CCNF: variants seen among roughly 807,000 people sequenced by gnomAD.
CCNF encodes cyclin F, also known as cyclin-F.
A neutral mutation model predicts 85.4 loss-of-function variants in CCNF; 30 were observed. That is an observed-to-expected ratio of 0.35 (90% CI 0.26 to 0.48). The LOEUF (loss-of-function observed/expected upper bound fraction) is 0.48. Ranked by LOEUF, CCNF falls within the 20% of genes least tolerant of loss-of-function variation. The pLI is 0.99. For missense variants in CCNF, 919 were observed against 1,010.4 expected (o/e 0.91, Z 1.23); for synonymous variants, 439 against 425.1 (o/e 1.03, Z -0.40).
Position 2,430,763 on chromosome 16 carries a change from G to A in CCNF, c.17-367G>A, listed in dbSNP as rs1054189716. Among the ~76,000 whole-genome samples, 13 of 152,212 alleles carry A rather than the reference G, an allele frequency of 8.5e-5. No homozygotes were observed. In the East Asian group the frequency reaches 1.2e-3, roughly 14 times the overall value. ...AAGCTATCCAGCAAAGGCCCCAGGA[G>A]TTTTCCTGAGAGTGAAATAGAAGGA... On this transcript the variant is annotated intron_variant, in intron 1 of 16. Transcript: ENST00000397066.
chr16:2,443,380 A>G (rs2065343295), intron 8 of CCNF, among the ~76,000 whole-genome samples: 1 of 151,770 alleles, frequency 6.6e-6, no homozygotes. Flanking sequence ...TTCCCCAGGC[A>G]TTAGCCATGT....
intron 10 of CCNF, 46 bp downstream of exon 10, chr16:2,445,668 C>G (rs893651040): frequency 3.8e-6 from 6 of 1,580,328 alleles, no homozygotes; most frequent in Non-Finnish European, 5.2e-6. Context: ...GCTGGCCTTT[C>G]CCGGGTTCAG....
intron 3 of CCNF, among the ~76,000 whole-genome samples, chr16:2,434,934 G>T (rs1445118554): frequency 6.6e-6 from 1 of 152,142 alleles, no homozygotes; most frequent in East Asian, 1.9e-4. Context: ...GCATGTAATG[G>T]ATAATTCGTA....
chr16:2,455,594 G>A lies in CCNF; in HGVS notation c.1885+30G>A, dbSNP rs141420377. 9.5e-4 allele frequency: 1,501 copies of A among 1,573,466 alleles called. 4 individuals carry two copies. The African/African-American group carries it at 0.014, about 15-fold the overall frequency. ...GTGTGGGGCCAGGGTGCACCAGAAG[G>A]GACATCACACAGAGGGTGGCTCTCA... On this transcript the variant is annotated intron_variant, in intron 16 of 16. Transcript: ENST00000397066.
At chr16:2,449,039 TG>T in intron 11 of CCNF, 61 bp downstream of exon 11, 1 of 738,216 alleles carries the variant, frequency 1.4e-6, no homozygotes, top group Non-Finnish European at 2.5e-6. Context: ...AGGGTGGGGG[TG>T]GGCATTCAGC....
rs780471402 is a variant in CCNF at position 2,453,197 on chromosome 16, ACT to A, written c.1488-10_1488-9del. ...GTGCCTCACATGTCCACTCCACGTG[ACT>A]CTGTTTCCAGCTTCCATGATGACGC... is the stretch of plus-strand genomic sequence containing the variant. On this transcript the variant is annotated splice_polypyrimidine_tract_variant and intron_variant, in intron 13 of 16. Coordinates refer to ENST00000397066, the MANE Select transcript of CCNF (RefSeq NM_001761.3). The surrounding 1 kb of genome is among the most constrained non-coding windows in gnomAD (Gnocchi z 5.6). 11 of 1,612,680 alleles carry A rather than the reference ACT, an allele frequency of 6.8e-6. No individual in the cohort carries two copies. Among genetic ancestry groups the A allele is most frequent in the Middle Eastern group, 1.6e-4 (1 of 6,084 alleles).
At chr16:2,454,077 G>A (rs920287419) in intron 15 of CCNF, among the ~76,000 whole-genome samples, 4 of 152,198 alleles carry the variant, frequency 2.6e-5, no homozygotes, top group African/African-American at 9.7e-5. Context: ...GGCCCTCCCT[G>A]TGCTGCTGGC....
rs774802568 is a variant in CCNF, at chr16:2,453,489, G to T, written c.1667G>T (p.Gly556Val). The change falls in exon 15 of 17, where the codon GGG becomes GTG. Residue 556 changes from glycine (G) to valine (V), a missense_variant. By Grantham distance (109) the Gly-to-Val change is moderately radical. Transcript: ENST00000397066. This position sits in a 1 kb window ranked among gnomAD's most constrained non-coding sequence, Gnocchi z 5.6. Reference sequence around the variant, plus strand: ...GACCCCCCGACTTTCCTCAGCACAGGGGAGATCCACGCCTTCCTCAGCTCT... The same window carrying T: ...GACCCCCCGACTTTCCTCAGCACAGTGGAGATCCACGCCTTCCTCAGCTCT... ...SPDPPTFLST[G>V]EIHAFLSSPS... 5.6e-6 allele frequency: 9 copies of T among 1,613,940 alleles called. No homozygotes were observed. The highest frequency in any genetic ancestry group is 6.8e-6 in the Non-Finnish European group (8 of 1,180,012).
chr16:2,456,612 G>C lies in CCNF; in HGVS notation c.1953G>C (p.Gln651His). ...TGAACCCAGAACAGCATTGCTGCCAGGAATCCAGTGATGAGGAGGCTTGTC... is the reference window on the plus strand; with the variant it reads ...TGAACCCAGAACAGCATTGCTGCCACGAATCCAGTGATGAGGAGGCTTGTC... ...VYLNPEQHCC[Q>H]ESSDEEACPE... Residue 651 changes from glutamine to histidine, a missense_variant, in exon 17 of 17, where the codon CAG (glutamine) becomes CAC (histidine). Transcript: ENST00000397066. This position sits in a 1 kb window ranked among gnomAD's most constrained non-coding sequence, Gnocchi z 4.5. 1 of 1,603,686 alleles carries C rather than the reference G, an allele frequency of 6.2e-7. No homozygotes were observed.
intron 10 of CCNF, 36 bp downstream of exon 10, chr16:2,445,658 G>C (rs1270067242): frequency 6.3e-7 from 1 of 1,596,580 alleles, no homozygotes; most frequent in South Asian, 1.1e-5. Flanking sequence ...GCAGGGACGT[G>C]CTGGCCTTTC....
intron 3 of CCNF, among the ~76,000 whole-genome samples, chr16:2,434,324 AT>A (rs2141814857): frequency 6.7e-6 from 1 of 148,372 alleles, no homozygotes; most frequent in East Asian, 2.0e-4. Flanking sequence ...TAATAAAATA[AT>A]AAAATATGGC....
At chr16:2,435,272 G>GAA (rs796446094) in intron 3 of CCNF, among the ~76,000 whole-genome samples, 1 of 122,502 alleles carries the variant, frequency 8.2e-6, no homozygotes. Context: ...GAAAAGAAAA[G>GAA]AAAAAAAAAA....
At position 2,456,305 on chromosome 16, in the gene CCNF, G is replaced by A. The variant is rs28509233; in HGVS notation, c.1886-240G>A. 9.8e-3 allele frequency: 4,492 copies of A among 457,692 alleles called. 178 individuals carry two copies. Among genetic ancestry groups the A allele is most frequent in the African/African-American group, 0.079 (3,999 of 50,684 alleles). The allele number at this position is 457,692 out of a possible 1,614,324, so 28.4% of individuals were successfully genotyped here. On this transcript the variant is annotated intron_variant, in intron 16 of 16. Transcript: ENST00000397066. The surrounding 1 kb of genome is among the most constrained non-coding windows in gnomAD (Gnocchi z 4.5). ...CAGTTTCCCGGTTGCTTGCTTCTGCGTCCACTTGGCTTGAGCTAGATGGCC... is the reference window on the plus strand; with the variant it reads ...CAGTTTCCCGGTTGCTTGCTTCTGCATCCACTTGGCTTGAGCTAGATGGCC...
At position 2,455,421 on chromosome 16, in the gene CCNF, A is replaced by G. The variant is rs1345521736; in HGVS notation, c.1742A>G (p.Asp581Gly). The change falls in exon 16 of 17, where the codon GAC (aspartate) becomes GGC (glycine). Residue 581 changes from aspartate (D) to glycine (G), a missense_variant. Asp to Gly is a moderately conservative substitution (Grantham distance 94, BLOSUM62 -1). Transcript: ENST00000397066. ...KRKRENSLQE[D>G]RGSFVTTPTA... ...AAGCGGGAGAACAGCCTCCAGGAAG[A>G]CAGAGGCAGCTTCGTTACCACCCCC... 1.9e-6 allele frequency: 3 copies of G among 1,588,858 alleles called. No individual in the cohort carries two copies. The highest frequency in any genetic ancestry group is 2.6e-6 in the Non-Finnish European group (3 of 1,160,136).
chr16:2,435,975 G>T, intron 4 of CCNF, 102 bp downstream of exon 4: 1 of 775,316 alleles, frequency 1.3e-6, no homozygotes. Flanking sequence ...TGCTGTCCTT[G>T]CTCTATCCGA....
At chr16:2,430,342 G>A (rs1245564624) in intron 1 of CCNF, among the ~76,000 whole-genome samples, 1 of 152,138 alleles carries the variant, frequency 6.6e-6, no homozygotes, top group Non-Finnish European at 1.5e-5. Flanking sequence ...AAGGTCATCT[G>A]CTTAGAGTGA....
intron 3 of CCNF, among the ~76,000 whole-genome samples, chr16:2,433,374 A>C: frequency 6.6e-6 from 1 of 151,830 alleles, no homozygotes; most frequent in East Asian, 1.9e-4. Flanking sequence ...TGGAAACTTC[A>C]CTCAGCCTTC....
intron 9 of CCNF, among the ~76,000 whole-genome samples, chr16:2,444,498 C>T (rs2065350790): frequency 6.6e-6 from 1 of 150,724 alleles, no homozygotes. Context: ...GATGGGGTTT[C>T]ATCGTATTAG....
chr16:2,450,509 C>CA (rs56025006), intron 13 of CCNF, among the ~76,000 whole-genome samples: 107 of 132,640 alleles, frequency 8.1e-4, no homozygotes, highest in African/African-American at 2.0e-3. Flanking sequence ...AACTCCATCT[C>CA]AAAAAAAAAA....
Sources: gnomAD v4.1 joint callset for allele counts (sites outside exome capture counted in the v4.1 genomes callset) on GRCh38, gnomAD v4.1.1 for gene constraint, Gnocchi (gnomAD v3.1) non-coding constraint, MANE v1.5 for transcripts, NCBI Gene and HGNC (gene_info 2026-07-23, HGNC 2026-07-21) for gene names.